TLL1: variants seen among roughly 807,000 people sequenced by gnomAD.
The protein encoded by TLL1 is tolloid-like protein 1.
TLL1 carries 49 observed loss-of-function variants against 128.2 expected under a neutral mutation model. That is an observed-to-expected ratio of 0.38 (90% CI 0.30 to 0.48). The LOEUF is 0.48. Ranked by LOEUF, TLL1 falls within the 20% of genes least tolerant of loss-of-function variation. The pLI is 0.96. For missense variants in TLL1, 1,123 were observed against 1,242.0 expected, an observed-to-expected ratio of 0.90 and a Z score of 1.44; for synonymous variants, 454 against 418.8, an observed-to-expected ratio of 1.08 and a Z score of -1.03.
intron 6 of TLL1, among the ~76,000 whole-genome samples, chr4:166,006,016 T>C (rs6849113): frequency 0.48 from 73,228 of 151,534 alleles, 18,126 homozygotes; most frequent in African/African-American, 0.59. Context: ...AGAGCAATTC[T>C]GGTATAAAAG....
Position 166,057,275 on chromosome 4 carries a change from C to G in TLL1, c.1812C>G (p.Gly604=), listed in dbSNP as rs756590489. 12 of 1,613,830 alleles carry G rather than the reference C, an allele frequency of 7.4e-6. No individual in the cohort carries two copies. The highest frequency in any genetic ancestry group is 1.0e-5 in the Non-Finnish European group (12 of 1,179,964). The stretch of plus-strand genomic sequence containing the variant: ...GTTACCAGTGTGCCTGTGAGCCTGG[C>G]TATGAGCTGGGCCCAGACAGAAGGA... ...LGSYQCACEP[G]YELGPDRRSC... Residue 604 remains glycine, a synonymous_variant, in exon 14 of 21, where the codon GGC becomes GGG. Transcript: ENST00000061240.
At chr4:166,003,877 A>T (rs1053306097) in intron 6 of TLL1, among the ~76,000 whole-genome samples, 2 of 151,290 alleles carry the variant, frequency 1.3e-5, no homozygotes, top group Non-Finnish European at 3.0e-5. Context: ...ATTATTAAAT[A>T]TTTCTTTTTT....
At chr4:165,967,657 A>G (rs777461471) in intron 1 of TLL1, among the ~76,000 whole-genome samples, 1 of 152,190 alleles carries the variant, frequency 6.6e-6, no homozygotes, top group Non-Finnish European at 1.5e-5. Flanking sequence ...CCAGAGGCCA[A>G]TATGAAAGCT....
At chr4:165,958,567 T>G (rs1205329297) in intron 1 of TLL1, among the ~76,000 whole-genome samples, 41 of 150,072 alleles carry the variant, frequency 2.7e-4, no homozygotes, top group African/African-American at 1.0e-3. Flanking sequence ...TGTTTGTTTT[T>G]TTCTTTTAAA....
chr4:165,896,167 G>A (rs185572202), intron 1 of TLL1, among the ~76,000 whole-genome samples: 26 of 152,208 alleles, frequency 1.7e-4, no homozygotes, highest in Admixed American at 5.9e-4. Flanking sequence ...CAGCTTATGA[G>A]TGAGAACATG....
Position 166,030,105 on chromosome 4 carries a change from C to T in TLL1, c.1158+4674C>T, listed in dbSNP as rs72697372. On this transcript the variant is annotated intron_variant, in intron 9 of 20. Transcript: ENST00000061240. ...TATTTGCATTATTTCACAGTCCTCA[C>T]TAAGACTGCAAAAGGGTTCCAATTT... 3.4e-3 allele frequency among the ~76,000 whole-genome samples: 519 copies of T among 152,204 alleles called. 4 individuals are homozygous for T. The highest frequency in any genetic ancestry group is 6.3e-3 in the Non-Finnish European group (425 of 67,954).
chr4:166,094,531 A>G (rs1052452964), intron 19 of TLL1, among the ~76,000 whole-genome samples: 1 of 152,190 alleles, frequency 6.6e-6, no homozygotes. Context: ...TTGTTAGGCA[A>G]AACGGGCCAT....
rs533946366 is a variant in TLL1 at position 165,959,276 on chromosome 4, G to T, written c.170-30105G>T. On this transcript the variant is annotated intron_variant, in intron 1 of 20. Transcript: ENST00000061240. ...AGTCATCGGTAGCTTGATGGGGATG[G>T]CATTGAATCTATAAATTACCTTGGG... Among the ~76,000 whole-genome samples, 3 of 152,098 alleles carry T rather than the reference G, an allele frequency of 2.0e-5. No individual in the cohort carries two copies. The South Asian group carries it at 6.3e-4, about 32-fold the overall frequency.
intron 12 of TLL1, among the ~76,000 whole-genome samples, chr4:166,049,931 A>C (rs184311833): frequency 6.6e-6 from 1 of 152,200 alleles, no homozygotes; most frequent in Admixed American, 6.5e-5. Flanking sequence ...AGCGTATATC[A>C]TTTAAAATAA....
At chr4:166,095,149 T>C (rs946776796) in intron 19 of TLL1, among the ~76,000 whole-genome samples, 1 of 152,128 alleles carries the variant, frequency 6.6e-6, no homozygotes, top group Non-Finnish European at 1.5e-5. Context: ...TTTATATTTC[T>C]GTATACAATT....
chr4:166,022,031 A>G (rs1738265250), intron 8 of TLL1, among the ~76,000 whole-genome samples: 1 of 152,216 alleles, frequency 6.6e-6, no homozygotes, highest in South Asian at 2.1e-4. Flanking sequence ...TTATTTAAAC[A>G]TAATTTTAAA....
intron 1 of TLL1, among the ~76,000 whole-genome samples, chr4:165,944,594 G>T (rs990829193): frequency 2.6e-5 from 4 of 152,096 alleles, no homozygotes; most frequent in African/African-American, 9.7e-5. Flanking sequence ...AGCAGGAGAT[G>T]ACAAAGTGAA....
At chr4:165,985,035 T>G (rs1283725342) in intron 1 of TLL1, among the ~76,000 whole-genome samples, 1 of 152,028 alleles carries the variant, frequency 6.6e-6, no homozygotes, top group East Asian at 1.9e-4. Context: ...CATTCACATT[T>G]TTGTGCCTCA....
rs74492758 is a variant in TLL1 at position 165,907,571 on chromosome 4, G to A, written c.169+33498G>A. On this transcript the variant is annotated intron_variant, in intron 1 of 20. Transcript: ENST00000061240. ...AAGCCTTTTTTTTTTTTTTTGAGAC[G>A]GAGTTTTGATCTTGTTGCCCAGGCT... Among the ~76,000 whole-genome samples, 1,183 of 147,904 alleles carry A rather than the reference G, an allele frequency of 8.0e-3. 57 individuals are homozygous for A. The East Asian group carries it at 0.13, about 17-fold the overall frequency.
chr4:166,083,881 T>A (rs887793972), intron 18 of TLL1, among the ~76,000 whole-genome samples: 4 of 152,136 alleles, frequency 2.6e-5, no homozygotes, highest in Non-Finnish European at 5.9e-5. Context: ...ACATCCTGAT[T>A]TCATTTCTTT....
intron 10 of TLL1, among the ~76,000 whole-genome samples, chr4:166,041,304 CT>C (rs754411284): frequency 3.1e-3 from 161 of 52,176 alleles, no homozygotes; most frequent in Middle Eastern, 8.3e-3. Flanking sequence ...TTCTTTCTTT[CT>C]TTTTTTTTTT....
intron 7 of TLL1, among the ~76,000 whole-genome samples, chr4:166,010,823 T>C (rs922039417): frequency 6.6e-6 from 1 of 150,574 alleles, no homozygotes; most frequent in Non-Finnish European, 1.5e-5. Flanking sequence ...TTTTTTAAAG[T>C]GTTTTTTTTA....
chr4:166,007,872 A>G (rs952141327), intron 6 of TLL1, 71 bp from the exon 7 acceptor site: 4 of 933,364 alleles, frequency 4.3e-6, no homozygotes, highest in Non-Finnish European at 7.1e-6. Flanking sequence ...ATGCAGGTGT[A>G]GGAAAGGCCT....
chr4:166,057,454 G>A, intron 14 of TLL1, 145 bp downstream of exon 14: 2 of 1,277,866 alleles, frequency 1.6e-6, no homozygotes, highest in Non-Finnish European at 2.2e-6. Context: ...CACAGTCACA[G>A]CTGATGTGAA....
Sources: allele counts gnomAD v4.1 joint callset (sites outside exome capture counted in the v4.1 genomes callset), GRCh38; gene constraint gnomAD v4.1.1; transcripts MANE v1.5; gene names NCBI Gene and HGNC (gene_info 2026-07-23, HGNC 2026-07-21).